The following CHTF8 variants were observed in gnomAD, a reference collection of about 807,000 sequenced individuals.
CHTF8 encodes chromosome transmission fidelity factor 8.
A neutral mutation model predicts 11.0 loss-of-function variants in CHTF8; 6 were observed. That is an observed-to-expected ratio of 0.55 (90% CI 0.30 to 1.08). The LOEUF (loss-of-function observed/expected upper bound fraction) is 1.08, where lower values mean the gene tolerates loss of function less well. CHTF8 is among the 50% of genes least tolerant of loss of function. The pLI is 0.07. For missense variants in CHTF8, 140 were observed against 153.1 expected, an observed-to-expected ratio of 0.91 and a Z score of 0.45; for synonymous variants, 53 against 60.5, an observed-to-expected ratio of 0.88 and a Z score of 0.57.
chr16:69,121,433 T>G lies in CHTF8; in HGVS notation c.23+3A>C, dbSNP rs761293566. 1 of 1,606,686 alleles carries G rather than the reference T, an allele frequency of 6.2e-7. No homozygotes were observed. Among genetic ancestry groups the G allele is most frequent in the Admixed American group, 1.7e-5 (1 of 57,848 alleles). On this transcript the variant is annotated splice_donor_region_variant and intron_variant, in intron 2 of 3. Coordinates refer to ENST00000448552, the MANE Select transcript of CHTF8 (RefSeq NM_001039690.5). ...AAATTTTAAAATCTCAAAATGTACT[T>G]ACCTGGAAATAACAATTTGCACCAT...
intron 1 of CHTF8, among the ~76,000 whole-genome samples, chr16:69,129,246 C>G (rs1431367834): frequency 1.3e-5 from 2 of 151,622 alleles, no homozygotes; most frequent in Non-Finnish European, 2.9e-5. Context: ...CTGGATAACA[C>G]AGTGAAACCC....
Position 69,119,707 on chromosome 16 carries a change from C to G in CHTF8, c.*718G>C. ...TAGATTAGGGCCTGGGCCCAGGCCA[C>G]TTGGTCTTGGGTTGGGCCCAAGGCC... On this transcript the variant is annotated 3_prime_UTR_variant, in exon 4 of 4. Coordinates refer to ENST00000448552, the MANE Select transcript of CHTF8 (RefSeq NM_001039690.5). 1.5e-6 allele frequency: 1 copy of G among 679,838 alleles called. No homozygotes were observed. Among genetic ancestry groups the G allele is most frequent in the Non-Finnish European group, 2.7e-6 (1 of 371,826 alleles). The allele number at this position is 679,838 out of a possible 1,614,324, so 42.1% of individuals were successfully genotyped here.
In CHTF8 at chr16:69,118,198, A is replaced by G. The variant is rs1404247862; in HGVS notation, c.*2227T>C. ...TGAGGTTCTTTGATTGATTGGGAGT[A>G]CCAGTGAAGAGGGAGTTGGATGAGT... is the stretch of plus-strand genomic sequence containing the variant. On this transcript the variant is annotated 3_prime_UTR_variant, in exon 4 of 4. Transcript: ENST00000448552. 2 of 495,548 alleles carry G rather than the reference A, an allele frequency of 4.0e-6. No homozygotes were observed. The highest frequency in any genetic ancestry group is 4.2e-5 in the African/African-American group (2 of 47,164). 30.7% of individuals were successfully genotyped at this position (495,548 alleles called of 1,614,324 possible). A position where few individuals can be genotyped will look rare whatever the true frequency, so the allele number is the denominator to read the frequency against.
chr16:69,130,088 G>A (rs937338265), intron 1 of CHTF8, among the ~76,000 whole-genome samples: 1 of 152,168 alleles, frequency 6.6e-6, no homozygotes, highest in Non-Finnish European at 1.5e-5. Context: ...TCTCTGAATT[G>A]TTAAATATTA....
At chr16:69,127,562 G>A (rs1962159107) in intron 1 of CHTF8, among the ~76,000 whole-genome samples, 1 of 145,590 alleles carries the variant, frequency 6.9e-6, no homozygotes, top group Non-Finnish European at 1.5e-5. Flanking sequence ...ATGAAGTCAA[G>A]AAACTAAAAG....
intron 1 of CHTF8, among the ~76,000 whole-genome samples, chr16:69,123,515 G>A (rs1280267881): frequency 1.3e-5 from 2 of 151,912 alleles, no homozygotes; most frequent in Non-Finnish European, 2.9e-5. Flanking sequence ...AAATTAGCTG[G>A]GTGTGGTGGC....
intron 1 of CHTF8, among the ~76,000 whole-genome samples, chr16:69,127,873 G>C (rs1482876419): frequency 1.3e-5 from 2 of 151,928 alleles, no homozygotes; most frequent in African/African-American, 4.8e-5. Context: ...GCCTTCCAAA[G>C]TGTTGGGATT....
intron 1 of CHTF8, among the ~76,000 whole-genome samples, chr16:69,123,150 G>A (rs540863726): frequency 7.9e-5 from 12 of 152,190 alleles, no homozygotes; most frequent in East Asian, 3.9e-4. Context: ...TTTACTGCCC[G>A]GGCTTAAGTG....
intron 1 of CHTF8, among the ~76,000 whole-genome samples, chr16:69,127,703 A>G (rs955192912): frequency 4.8e-4 from 67 of 140,902 alleles, no homozygotes; most frequent in Non-Finnish European, 8.7e-4. Flanking sequence ...TCTGTCTCCC[A>G]GGTTCAAGTG....
At chr16:69,132,008 G>A (rs1422327465) in intron 1 of CHTF8, 2 of 152,774 alleles carry the variant, frequency 1.3e-5, no homozygotes, top group African/African-American at 4.8e-5. Context: ...TACTTCCTAG[G>A]TTCCAGTTCT....
intron 1 of CHTF8, among the ~76,000 whole-genome samples, chr16:69,123,939 A>C (rs992831440): frequency 8.6e-5 from 12 of 139,974 alleles, no homozygotes; most frequent in African/African-American, 1.5e-4. Context: ...AAAAAAAAAA[A>C]AAAAAAAACA....
intron 1 of CHTF8, among the ~76,000 whole-genome samples, chr16:69,130,610 G>A (rs559227014): frequency 2.6e-5 from 4 of 152,290 alleles, no homozygotes; most frequent in East Asian, 1.9e-4. Context: ...AATACACTGG[G>A]CATAAACACC....
chr16:69,122,289 T>A (rs571573546), intron 1 of CHTF8, among the ~76,000 whole-genome samples: 2 of 152,276 alleles, frequency 1.3e-5, no homozygotes, highest in South Asian at 4.2e-4. Context: ...AAGGAAAAGA[T>A]GATATGAACC....
At chr16:69,125,530 C>G (rs1294203539) in intron 1 of CHTF8, among the ~76,000 whole-genome samples, 1 of 152,152 alleles carries the variant, frequency 6.6e-6, no homozygotes, top group Non-Finnish European at 1.5e-5. Context: ...AGAATCAAGG[C>G]ATCAGGCAGG....
In CHTF8 at chr16:69,119,287, T is replaced by C; in HGVS notation, c.*1138A>G. On this transcript the variant is annotated 3_prime_UTR_variant, in exon 4 of 4. Coordinates refer to ENST00000448552, the MANE Select transcript of CHTF8 (RefSeq NM_001039690.5). ...AGCGGACCTTTGGAAGGTAGCTGGG[T>C]TTGATGCCAATGTGCCAGAAGACTG... The C allele has an allele frequency of 1.4e-6, 1 of 702,996 alleles. No homozygotes were observed. Among genetic ancestry groups the C allele is most frequent in the Non-Finnish European group, 2.6e-6 (1 of 385,002 alleles). 43.5% of individuals were successfully genotyped at this position (702,996 alleles called of 1,614,324 possible).
intron 1 of CHTF8, chr16:69,131,963 C>A (rs1962559000): frequency 1.3e-5 from 2 of 152,862 alleles, no homozygotes; most frequent in Admixed American, 1.3e-4. Flanking sequence ...ACGGTCCTAA[C>A]CCCCACCCCG....
chr16:69,130,163 T>G (rs1288172342), intron 1 of CHTF8, among the ~76,000 whole-genome samples: 1 of 152,196 alleles, frequency 6.6e-6, no homozygotes, highest in African/African-American at 2.4e-5. Flanking sequence ...TCATAATCCT[T>G]CAAAATAAAA....
At chr16:69,127,373 T>C (rs1336611203) in intron 1 of CHTF8, among the ~76,000 whole-genome samples, 1 of 151,996 alleles carries the variant, frequency 6.6e-6, no homozygotes, top group Non-Finnish European at 1.5e-5. Context: ...ATCACAAGCA[T>C]AACAATGGAA....
chr16:69,127,880 G>A (rs573563604), intron 1 of CHTF8, among the ~76,000 whole-genome samples: 37 of 151,778 alleles, frequency 2.4e-4, no homozygotes, highest in South Asian at 1.3e-3. Context: ...AAAGTGTTGG[G>A]ATTACAGGCG....
Sources: allele counts gnomAD v4.1 joint callset (sites outside exome capture counted in the v4.1 genomes callset), GRCh38; gene constraint gnomAD v4.1.1; transcripts MANE v1.5; gene names NCBI Gene and HGNC (gene_info 2026-07-23, HGNC 2026-07-21).